Variants in CTC1 observed in about 807,000 individuals in gnomAD.
The protein encoded by CTC1 is CST complex subunit CTC1.
CTC1 carries 91 observed loss-of-function variants against 136.3 expected under a neutral mutation model. That is an observed-to-expected ratio of 0.67 (90% CI 0.56 to 0.79). CTC1 has a LOEUF of 0.79. Among genes scored for constraint, CTC1 ranks in the 30% least tolerant of loss-of-function variants. The pLI is 0.00. For missense variants in CTC1, 1,432 were observed against 1,498.1 expected (o/e 0.96, Z 0.73); for synonymous variants, 606 against 613.8 (o/e 0.99, Z 0.19).
rs71159568 is a variant in CTC1 at position 8,237,665 on chromosome 17, CAAAAAAAAAAAAAAAAAAAA to C, written c.648-166_648-147del. The C allele has an allele frequency of 2.8e-3, 162 of 58,258 alleles. 1 individual carries two copies. The highest frequency in any genetic ancestry group is 4.8e-3 in the South Asian group (14 of 2,896). 3.6% of individuals were successfully genotyped at this position (58,258 alleles called of 1,614,324 possible). ...GGGCAGCAGGAGTGAAACTACGTCTCAAAAAAAAAAAAAAAAAAAAAAAAAAAAAAAAAAAAAGCAGCAGC... is the reference window on the plus strand; with the variant it reads ...GGGCAGCAGGAGTGAAACTACGTCTCAAAAAAAAAAAAAAAAAGCAGCAGC... On this transcript the variant is annotated intron_variant, in intron 4 of 22. Transcript: ENST00000651323.
chr17:8,239,529 T>G (rs1988038413), intron 2 of CTC1, among the ~76,000 whole-genome samples: 1 of 151,992 alleles, frequency 6.6e-6, no homozygotes, highest in Admixed American at 6.6e-5. Flanking sequence ...CTGAATTTTT[T>G]TTTTTTTTTT....
rs1986637466 is a variant in CTC1, at chr17:8,226,244, T to TA, written c.*1935_*1936insT. 2 of 152,316 alleles carry TA rather than the reference T, an allele frequency of 1.3e-5. No individual in the cohort carries two copies. Among genetic ancestry groups the TA allele is most frequent in the South Asian group, 2.1e-4 (1 of 4,834 alleles). The allele number at this position is 152,316 out of a possible 1,614,324, so 9.4% of individuals were successfully genotyped here. ...TGTTTCAATTGAATAAAGGCACCGC[T>TA]GGGATTCGAACCCAGGATCTCCTGT... On this transcript the variant is annotated 3_prime_UTR_variant, in exon 23 of 23. Transcript: ENST00000651323.
At chr17:8,231,559 T>G (rs771433761) in intron 14 of CTC1, 90 bp from the exon 15 acceptor site, 82 of 1,335,724 alleles carry the variant, frequency 6.1e-5, no homozygotes, top group Middle Eastern at 5.1e-4. Context: ...TTGTTCTTTC[T>G]GGAGCATGGA....
Position 8,235,162 on chromosome 17 carries a change from A to T in CTC1, c.1330T>A (p.Ser444Thr), listed in dbSNP as rs749566292. ...AGGGAGGCCCCGTAGGCTTGACGGG[A>T]TGAGTGAGCCCCAGGCTTCTGACGA... ...FSRQKPGAHSSRQAYGASLYE... is the reference protein window; with the variant it reads ...FSRQKPGAHSTRQAYGASLYE... The change falls in exon 8 of 23, where the codon TCC (serine) becomes ACC (threonine). Residue 444 changes from serine (S) to threonine (T), a missense_variant. Ser to Thr is a moderately conservative substitution (Grantham distance 58). Transcript: ENST00000651323. 10 of 1,614,112 alleles carry T rather than the reference A, an allele frequency of 6.2e-6. No homozygotes were observed. In the South Asian group the frequency reaches 6.6e-5, roughly 11 times the overall value.
At chr17:8,247,737 A>C in intron 1 of CTC1, 1 of 481,142 alleles carries the variant, frequency 2.1e-6, no homozygotes, top group South Asian at 2.5e-5. Context: ...TAGTTCCCCC[A>C]TTAACCTGCT....
Position 8,240,215 on chromosome 17 carries a change from C to T in CTC1, c.198-1586G>A, listed in dbSNP as rs138377990. On this transcript the variant is annotated intron_variant, in intron 2 of 22. Coordinates refer to ENST00000651323, the MANE Select transcript of CTC1 (RefSeq NM_025099.6). ...TGTCGCCCAGACTGGAGTGCATTGG[C>T]GTGAACTCGGCTCACTGCAACCTCC... 1.0e-2 allele frequency among the ~76,000 whole-genome samples: 1,472 copies of T among 147,606 alleles called. 32 individuals are homozygous for T. The highest frequency in any genetic ancestry group is 0.035 in the African/African-American group (1,395 of 39,998).
chr17:8,241,302 A>C (rs1281439940), intron 2 of CTC1, among the ~76,000 whole-genome samples: 1 of 151,276 alleles, frequency 6.6e-6, no homozygotes, highest in East Asian at 1.9e-4. Flanking sequence ...AACAAACAAA[A>C]AAAGAAGTAT....
In CTC1 at chr17:8,226,247, G is replaced by GT. The variant is rs1986638747; in HGVS notation, c.*1932_*1933insA. The GT allele has an allele frequency of 6.6e-6, 1 of 152,278 alleles. No homozygotes were observed. The highest frequency in any genetic ancestry group is 2.1e-4 in the South Asian group (1 of 4,828). 9.4% of individuals were successfully genotyped at this position (152,278 alleles called of 1,614,324 possible). A position where few individuals can be genotyped will look rare whatever the true frequency, so the allele number is the denominator to read the frequency against. Reference sequence around the variant, plus strand: ...TTCAATTGAATAAAGGCACCGCTGGGATTCGAACCCAGGATCTCCTGTTTA... The same window carrying GT: ...TTCAATTGAATAAAGGCACCGCTGGGTATTCGAACCCAGGATCTCCTGTTTA... On this transcript the variant is annotated 3_prime_UTR_variant, in exon 23 of 23. Transcript: ENST00000651323.
rs1237169796 is a variant in CTC1, at chr17:8,235,751, C to A, written c.1206+80G>T. 3 of 1,449,160 alleles carry A rather than the reference C, an allele frequency of 2.1e-6. No homozygotes were observed. In the African/African-American group the frequency reaches 4.3e-5, roughly 21 times the overall value. The allele number at this position is 1,449,160 out of a possible 1,614,324, so 89.8% of individuals were successfully genotyped here. On this transcript the variant is annotated intron_variant, in intron 7 of 22. Coordinates refer to ENST00000651323, the MANE Select transcript of CTC1 (RefSeq NM_025099.6). ...TAATTTCTATATTTCTATATAACCA[C>A]CCTGCTGCAGAAAAGGAGCCTATGA... is the stretch of plus-strand genomic sequence containing the variant.
intron 2 of CTC1, among the ~76,000 whole-genome samples, chr17:8,240,941 A>G (rs1483727839): frequency 6.6e-6 from 1 of 152,186 alleles, no homozygotes; most frequent in African/African-American, 2.4e-5. Flanking sequence ...CCAAATAGGG[A>G]AAAATAAATA....
intron 1 of CTC1, among the ~76,000 whole-genome samples, chr17:8,244,198 T>C (rs1269572979): frequency 6.6e-6 from 1 of 152,182 alleles, no homozygotes; most frequent in Admixed American, 6.5e-5. Flanking sequence ...TATTCAAAGG[T>C]ATGCATTTCC....
At chr17:8,232,645 A>G (rs1332223896) in intron 11 of CTC1, 170 bp from the exon 12 acceptor site, 5 of 671,868 alleles carry the variant, frequency 7.4e-6, no homozygotes, top group Non-Finnish European at 1.3e-5. Context: ...CCTTCTCTCC[A>G]AACTAAGAAT....
In CTC1 at chr17:8,234,870, C is replaced by T; in HGVS notation, c.1496G>A (p.Ser499Asn). Residue 499 changes from serine to asparagine, a missense_variant, in exon 9 of 23, where the codon AGC (serine) becomes AAC (asparagine). By Grantham distance (46) the Ser-to-Asn change is conservative. Coordinates refer to ENST00000651323, the MANE Select transcript of CTC1 (RefSeq NM_025099.6). ...CAGGAGTTGCAGTCCCAGGCTGGGG[C>T]TCCCAGGAGAGGAATGTTGCAGGAA... ...HQFLQHSSPG[S>N]PSLGLQLLAP... The T allele has an allele frequency of 6.2e-7, 1 of 1,612,562 alleles. No individual in the cohort carries two copies. The highest frequency in any genetic ancestry group is 8.5e-7 in the Non-Finnish European group (1 of 1,179,300).
chr17:8,233,260 AAGAG>A, intron 10 of CTC1: 1 of 508,492 alleles, frequency 2.0e-6, no homozygotes, highest in Non-Finnish European at 3.5e-6. Context: ...GGTTACAGGT[AAGAG>A]GCCATGCGGG....
At chr17:8,245,874 C>T (rs1391073177) in intron 1 of CTC1, among the ~76,000 whole-genome samples, 1 of 138,326 alleles carries the variant, frequency 7.2e-6, no homozygotes, top group African/African-American at 2.7e-5. Context: ...TTGAGACCCG[C>T]CTGGGCAACA....
intron 18 of CTC1, 42 bp downstream of exon 18, chr17:8,229,849 T>C (rs548123926): frequency 5.8e-5 from 89 of 1,523,218 alleles, no homozygotes; most frequent in Middle Eastern, 1.7e-4. Context: ...GAGATGCAGA[T>C]GTGAAGCCAG....
rs373074366 is a variant in CTC1 at position 8,231,317 on chromosome 17, C to G, written c.2628G>C (p.Lys876Asn). The change falls in exon 15 of 23, where the codon AAG (lysine) becomes AAC (asparagine). Residue 876 changes from lysine to asparagine, a missense_variant. Physicochemically the swap from Lys to Asn is moderately conservative, Grantham distance 94 (BLOSUM62 0). Coordinates refer to ENST00000651323, the MANE Select transcript of CTC1 (RefSeq NM_025099.6). ...QDIQDVLDAN[K>N]SLPESSLTDL... ...CGGTCAGTGAGGATTCAGGCAATGA[C>G]TTGTTTGCATCCAGCACATCTTGGA... The G allele has an allele frequency of 5.0e-6, 8 of 1,600,264 alleles. No homozygotes were observed. Among genetic ancestry groups the G allele is most frequent in the Non-Finnish European group, 6.8e-6 (8 of 1,169,792 alleles).
Position 8,232,428 on chromosome 17 carries a change from C to G in CTC1, c.1993G>C (p.Val665Leu), listed in dbSNP as rs751450242. The G allele has an allele frequency of 6.2e-7, 1 of 1,614,180 alleles. No homozygotes were observed. Among genetic ancestry groups the G allele is most frequent in the Non-Finnish European group, 8.5e-7 (1 of 1,180,028 alleles). ...ERFQLIVERDVRSSFPSWKEL... is the reference protein window; with the variant it reads ...ERFQLIVERDLRSSFPSWKEL... ...TTCCAGGAAGGGAAGCTGCTTCTCA[C>G]GTCCCTCTCTACGATCAACTGAAAC... The change falls in exon 12 of 23, where the codon GTG becomes CTG. Residue 665 changes from valine to leucine, a missense_variant. Physicochemically the swap from Val to Leu is conservative, Grantham distance 32. Coordinates refer to ENST00000651323, the MANE Select transcript of CTC1 (RefSeq NM_025099.6).
chr17:8,226,173 T>C lies in CTC1; in HGVS notation c.*2007A>G, dbSNP rs886053591. 4.6e-5 allele frequency: 7 copies of C among 152,172 alleles called. No individual in the cohort carries two copies. The highest frequency in any genetic ancestry group is 1.7e-4 in the African/African-American group (7 of 41,428). 9.4% of individuals were successfully genotyped at this position (152,172 alleles called of 1,614,324 possible). ...ACAGAAACTCTTACGCGTTCTGATA[T>C]AAAAACAATACATGAAAGGATGTGG... is the stretch of plus-strand genomic sequence containing the variant. On this transcript the variant is annotated 3_prime_UTR_variant, in exon 23 of 23. Coordinates refer to ENST00000651323, the MANE Select transcript of CTC1 (RefSeq NM_025099.6).
Sources: allele counts gnomAD v4.1 joint callset (sites outside exome capture counted in the v4.1 genomes callset), GRCh38; gene constraint gnomAD v4.1.1; transcripts MANE v1.5; gene names NCBI Gene and HGNC (gene_info 2026-07-23, HGNC 2026-07-21).